The following EPC1 variants were observed in gnomAD, a reference collection of about 807,000 sequenced individuals.
EPC1 encodes the protein enhancer of polycomb homolog 1.
EPC1 carries 12 observed loss-of-function variants against 98.4 expected under a neutral mutation model. The ratio of observed to expected loss-of-function variants is 0.12; its 90% confidence interval spans 0.08 to 0.20. The LOEUF (loss-of-function observed/expected upper bound fraction) is 0.20, where lower values mean the gene tolerates loss of function less well. Ranked by LOEUF, EPC1 falls within the 10% of genes least tolerant of loss-of-function variation. The probability of loss-of-function intolerance (pLI) is 1.00; values close to 1 mark genes in which losing one functional copy is unlikely to be tolerated. For synonymous variants in EPC1, 357 were observed against 363.9 expected (o/e 0.98, Z 0.21); for missense variants, 729 against 990.5 (o/e 0.74, Z 3.54).
At chr10:32,273,065 C>A (rs1835915795) in intron 11 of EPC1, 98 bp downstream of exon 11, 2 of 1,614,008 alleles carry the variant, frequency 1.2e-6, no homozygotes, top group Admixed American at 1.7e-5. Flanking sequence ...CACTTTTCTG[C>A]TGGTTAGATG....
chr10:32,347,863 G>T (rs1317631773), upstream of EPC1, among the ~76,000 whole-genome samples: 1 of 152,222 alleles, frequency 6.6e-6, no homozygotes, highest in African/African-American at 2.4e-5. Flanking sequence ...CGTTTCCCAC[G>T]CATTGGGCTT....
intron 13 of EPC1, among the ~76,000 whole-genome samples, chr10:32,270,710 A>C (rs1340466780): frequency 1.3e-5 from 2 of 148,810 alleles, no homozygotes; most frequent in Non-Finnish European, 3.0e-5. Context: ...CTGTAATCCC[A>C]TCTACTCAGA....
rs187694520 is a variant in EPC1 at position 32,335,896 on chromosome 10, G to A, written c.153+10867C>T. Among the ~76,000 whole-genome samples the A allele has an allele frequency of 7.5e-3, 1,141 of 151,976 alleles. 18 individuals are homozygous for A. The highest frequency in any genetic ancestry group is 0.026 in the African/African-American group (1,077 of 41,452). ...GTCCCTCTTTAGCCACCACCCTCCCGACTTGGTTTCACTCACTCAAGCACT... is the reference window on the plus strand; with the variant it reads ...GTCCCTCTTTAGCCACCACCCTCCCAACTTGGTTTCACTCACTCAAGCACT... On this transcript the variant is annotated intron_variant, in intron 1 of 13. Coordinates refer to ENST00000319778, the MANE Select transcript of EPC1 (RefSeq NM_001272004.3).
chr10:32,347,295 G>C (rs1418280084), upstream of EPC1: 2 of 800,940 alleles, frequency 2.5e-6, no homozygotes, highest in African/African-American at 1.9e-5. Context: ...GGCACCCGCC[G>C]GCCTCGCTTC....
At position 32,305,928 on chromosome 10, in the gene EPC1, G is replaced by T; in HGVS notation, c.157C>A (p.His53Asn). The T allele has an allele frequency of 6.3e-7, 1 of 1,595,388 alleles. No homozygotes were observed. The highest frequency in any genetic ancestry group is 1.1e-5 in the South Asian group (1 of 87,106). ...TGMEKEEESE[H>N]HLQRAISAQQ... Reference sequence around the variant, plus strand: ...GCTGAAATAGCCCGCTGAAGATGATGTTCCTAAAAAGAAGAAAAAACAGGT... The same window carrying T: ...GCTGAAATAGCCCGCTGAAGATGATTTTCCTAAAAAGAAGAAAAAACAGGT... The change falls in exon 2 of 14, where the codon CAT becomes AAT. Residue 53 changes from histidine to asparagine, a missense_variant. Physicochemically the swap from His to Asn is moderately conservative, Grantham distance 68. Transcript: ENST00000319778.
chr10:32,346,304 G>T (rs1391471500), intron 1 of EPC1, among the ~76,000 whole-genome samples: 1 of 152,156 alleles, frequency 6.6e-6, no homozygotes, highest in African/African-American at 2.4e-5. Context: ...CCCGGCCCGG[G>T]CAGCGGCGCG....
intron 1 of EPC1, among the ~76,000 whole-genome samples, chr10:32,337,642 G>A (rs1189519460): frequency 6.6e-6 from 1 of 152,180 alleles, no homozygotes; most frequent in African/African-American, 2.4e-5. Context: ...CTTCATTTGT[G>A]CCTGATGGAA....
chr10:32,275,888 T>C (rs946096345), intron 10 of EPC1, among the ~76,000 whole-genome samples: 2 of 151,644 alleles, frequency 1.3e-5, no homozygotes, highest in Non-Finnish European at 2.9e-5. Flanking sequence ...AGTTAGCTGA[T>C]ATCACACCAT....
chr10:32,302,387 C>A (rs934588713), intron 2 of EPC1, among the ~76,000 whole-genome samples: 1 of 152,110 alleles, frequency 6.6e-6, no homozygotes, highest in African/African-American at 2.4e-5. Flanking sequence ...GTGGCTCATG[C>A]CTATCATCCC....
chr10:32,357,669 AGGCTGATCTT>A (rs571913576), intron 1 of EPC1, among the ~76,000 whole-genome samples: 2,365 of 152,186 alleles, frequency 0.016, 32 homozygotes, highest in Non-Finnish European at 0.025. Context: ...TACGTTGGCT[AGGCTGATCTT>A]GCACTCCTGA....
At chr10:32,371,580 G>A (rs61844547) in intron 1 of EPC1, among the ~76,000 whole-genome samples, 25,282 of 152,114 alleles carry the variant, frequency 0.17, 2,230 homozygotes, top group South Asian at 0.24. Context: ...AATTTTAAAC[G>A]TGATATTAAT....
At chr10:32,296,517 C>T (rs1219590309) in intron 2 of EPC1, among the ~76,000 whole-genome samples, 1 of 152,184 alleles carries the variant, frequency 6.6e-6, no homozygotes, top group Non-Finnish European at 1.5e-5. Flanking sequence ...AATCAAGGAG[C>T]TCAGGGTCTT....
At chr10:32,310,792 T>G (rs1836165650) in intron 1 of EPC1, among the ~76,000 whole-genome samples, 1 of 151,968 alleles carries the variant, frequency 6.6e-6, no homozygotes, top group Admixed American at 6.6e-5. Flanking sequence ...GAGAATTGTT[T>G]GAACCCGGGA....
intron 1 of EPC1, among the ~76,000 whole-genome samples, chr10:32,329,006 G>A (rs1301924310): frequency 6.6e-6 from 1 of 152,184 alleles, no homozygotes; most frequent in African/African-American, 2.4e-5. Flanking sequence ...CTTCGCCGGG[G>A]GAGAGGAGTG....
intron 1 of EPC1, among the ~76,000 whole-genome samples, chr10:32,355,607 CTTTTTTTTTTTTTTTTTTTTTT>C (rs542748610): frequency 1.1e-4 from 8 of 72,876 alleles, no homozygotes; most frequent in Admixed American, 9.3e-4. Context: ...GTGCCTTACC[CTTTTTTTTTTTTTTTTTTTTTT>C]TTTTTTTTTT....
At chr10:32,331,464 A>G (rs532260535) in intron 1 of EPC1, among the ~76,000 whole-genome samples, 1 of 152,252 alleles carries the variant, frequency 6.6e-6, no homozygotes, top group South Asian at 2.1e-4. Flanking sequence ...TTAATATACA[A>G]AAGTTTATAG....
chr10:32,324,560 C>CTAATAAATCT (rs1837149749), intron 1 of EPC1, among the ~76,000 whole-genome samples: 2 of 150,990 alleles, frequency 1.3e-5, no homozygotes, highest in Admixed American at 1.3e-4. Context: ...AAAAGTTACT[C>CTAATAAATCT]TAATAAATCT....
intron 1 of EPC1, among the ~76,000 whole-genome samples, chr10:32,364,592 C>A (rs2133109464): frequency 6.6e-6 from 1 of 152,306 alleles, no homozygotes; most frequent in African/African-American, 2.4e-5. Context: ...AGGAGTGAGA[C>A]TCGACCCTTC....
intron 1 of EPC1, among the ~76,000 whole-genome samples, chr10:32,362,153 A>C (rs1839460889): frequency 6.6e-6 from 1 of 152,014 alleles, no homozygotes; most frequent in African/African-American, 2.4e-5. Flanking sequence ...TTCTAAACTC[A>C]CTTTCACTTT....
Sources: gnomAD v4.1 joint callset for allele counts (sites outside exome capture counted in the v4.1 genomes callset) on GRCh38, gnomAD v4.1.1 for gene constraint, MANE v1.5 for transcripts, NCBI Gene and HGNC (gene_info 2026-07-23, HGNC 2026-07-21) for gene names.